OPCML: variants seen among roughly 807,000 people sequenced by gnomAD.
OPCML encodes the protein opioid binding protein/cell adhesion molecule like.
Under a neutral mutation model 37.8 loss-of-function variants are expected in OPCML, and 13 were observed. That is an observed-to-expected ratio of 0.34 (90% CI 0.22 to 0.55). The LOEUF (loss-of-function observed/expected upper bound fraction) is 0.55, where lower values mean the gene tolerates loss of function less well. Ranked by LOEUF, OPCML falls within the 20% of genes least tolerant of loss-of-function variation. The pLI is 0.91. For synonymous variants in OPCML, 176 were observed against 168.8 expected (o/e 1.04, Z -0.33); for missense variants, 341 against 435.6 (o/e 0.78, Z 1.93).
chr11:132,869,228 G>A (rs1942698815), intron 2 of OPCML, among the ~76,000 whole-genome samples: 2 of 152,122 alleles, frequency 1.3e-5, no homozygotes, highest in African/African-American at 4.8e-5. Flanking sequence ...GAACATACCT[G>A]CTCTAGTGTG....
At position 133,025,095 on chromosome 11, in the gene OPCML, AT is replaced by A. The variant is rs377001812; in HGVS notation, c.62-82086del. 679 of 810,968 alleles carry A rather than the reference AT, an allele frequency of 8.4e-4. 3 individuals carry two copies. In the African/African-American group the frequency reaches 0.012, roughly 14 times the overall value. 50.2% of individuals were successfully genotyped at this position (810,968 alleles called of 1,614,324 possible). On this transcript the variant is annotated intron_variant, in intron 1 of 7. Transcript: ENST00000524381. ...ATATGTATAGATAAGCCTAGAGCTA[AT>A]TTTCCTTCATAGGGAGGAAAATGGG...
chr11:133,337,145 A>G (rs1316886932), intron 1 of OPCML, among the ~76,000 whole-genome samples: 1 of 152,216 alleles, frequency 6.6e-6, no homozygotes, highest in Non-Finnish European at 1.5e-5. Flanking sequence ...TGCTATTTAG[A>G]TATGATAAGC....
At chr11:133,347,166 T>C (rs545531681) in intron 1 of OPCML, among the ~76,000 whole-genome samples, 1 of 152,366 alleles carries the variant, frequency 6.6e-6, no homozygotes, top group Admixed American at 6.5e-5. Flanking sequence ...AACTTAGCCA[T>C]AGGCTTGTGC....
At chr11:132,573,808 C>T (rs2096443793) in intron 3 of OPCML, among the ~76,000 whole-genome samples, 1 of 151,768 alleles carries the variant, frequency 6.6e-6, no homozygotes, top group Non-Finnish European at 1.5e-5. Flanking sequence ...AAAGATTGGC[C>T]TTAATTATTT....
chr11:132,472,033 C>T (rs2096139589), intron 4 of OPCML, among the ~76,000 whole-genome samples: 1 of 152,180 alleles, frequency 6.6e-6, no homozygotes, highest in South Asian at 2.1e-4. Context: ...GGAAGGCCCT[C>T]CCTTTTCCTG....
intron 2 of OPCML, among the ~76,000 whole-genome samples, chr11:132,790,898 G>T (rs1040666050): frequency 6.6e-6 from 1 of 152,178 alleles, no homozygotes; most frequent in Non-Finnish European, 1.5e-5. Flanking sequence ...GAAAGATTTC[G>T]ATTTTGGCTC....
intron 1 of OPCML, among the ~76,000 whole-genome samples, chr11:133,404,704 G>C (rs115683731): frequency 2.3e-3 from 348 of 152,316 alleles, no homozygotes; most frequent in Middle Eastern, 0.01. Flanking sequence ...TGCAGCTTTA[G>C]CTAGGGACAT....
chr11:133,278,745 A>G (rs1032120309), intron 1 of OPCML, among the ~76,000 whole-genome samples: 1 of 152,192 alleles, frequency 6.6e-6, no homozygotes, highest in Non-Finnish European at 1.5e-5. Flanking sequence ...TTTGATTAAA[A>G]AAAAAATCTG....
Position 132,628,810 on chromosome 11 carries a change from G to A in OPCML, c.379+28277C>T, listed in dbSNP as rs565359419. Among the ~76,000 whole-genome samples the A allele has an allele frequency of 8.5e-5, 13 of 152,208 alleles. No homozygotes were observed. The East Asian group carries it at 9.7e-4, about 11-fold the overall frequency. ...CTCATGATAGTGAGTGACTTGTCACGAGATCTGCTGGTTTTATAAGCAGCT... is the reference window on the plus strand; with the variant it reads ...CTCATGATAGTGAGTGACTTGTCACAAGATCTGCTGGTTTTATAAGCAGCT... On this transcript the variant is annotated intron_variant, in intron 3 of 7. Coordinates refer to ENST00000524381, the MANE Select transcript of OPCML (RefSeq NM_001012393.5).
At chr11:132,695,410 T>C (rs1943566092) in intron 2 of OPCML, among the ~76,000 whole-genome samples, 1 of 152,138 alleles carries the variant, frequency 6.6e-6, no homozygotes, top group Non-Finnish European at 1.5e-5. Flanking sequence ...GGAGCAGTAT[T>C]ATGGCAATGT....
At chr11:133,272,400 T>C (rs561371454) in intron 1 of OPCML, among the ~76,000 whole-genome samples, 2 of 152,318 alleles carry the variant, frequency 1.3e-5, no homozygotes, top group African/African-American at 4.8e-5. Flanking sequence ...TAAAATGCAC[T>C]GCAATAAGAC....
intron 4 of OPCML, among the ~76,000 whole-genome samples, chr11:132,441,227 GC>G (rs1483660383): frequency 7.5e-6 from 1 of 134,100 alleles, no homozygotes; most frequent in Non-Finnish European, 1.5e-5. Context: ...GAGTGCAGTG[GC>G]GGGATCTCGG....
At position 132,735,205 on chromosome 11, in the gene OPCML, T is replaced by C. The variant is rs191708055; in HGVS notation, c.147-77886A>G. 1.6e-3 allele frequency among the ~76,000 whole-genome samples: 248 copies of C among 152,286 alleles called. 3 individuals carry two copies. Among genetic ancestry groups the C allele is most frequent in the South Asian group, 0.013 (61 of 4,828 alleles). On this transcript the variant is annotated intron_variant, in intron 2 of 7. Coordinates refer to ENST00000524381, the MANE Select transcript of OPCML (RefSeq NM_001012393.5). ...AAAAAATAGCTTCTGGGAAAAAATA[T>C]AGCCTAGGAAACTATCAGGCAAACT...
intron 1 of OPCML, chr11:133,418,518 A>G (rs1416031020): frequency 1.0e-6 from 1 of 960,550 alleles, no homozygotes; most frequent in Non-Finnish European, 1.2e-6. Context: ...TTGCAAAATT[A>G]TGACAGTAGG....
intron 1 of OPCML, among the ~76,000 whole-genome samples, chr11:133,261,784 A>G (rs1246809047): frequency 1.3e-5 from 2 of 152,196 alleles, no homozygotes; most frequent in Non-Finnish European, 2.9e-5. Flanking sequence ...CCTCTACTTC[A>G]ATTGCCTTCT....
chr11:132,675,646 C>T (rs1217510594), intron 2 of OPCML, among the ~76,000 whole-genome samples: 1 of 151,886 alleles, frequency 6.6e-6, no homozygotes, highest in Non-Finnish European at 1.5e-5. Context: ...TATACATTAG[C>T]AATGAAAAAT....
chr11:132,959,349 G>C (rs990880796), intron 1 of OPCML, among the ~76,000 whole-genome samples: 4 of 152,228 alleles, frequency 2.6e-5, no homozygotes, highest in Admixed American at 6.5e-5. Flanking sequence ...GGTTTCTTGA[G>C]ATGGAAACTA....
chr11:132,519,195 A>G (rs770817532), intron 4 of OPCML, among the ~76,000 whole-genome samples: 8 of 152,152 alleles, frequency 5.3e-5, no homozygotes, highest in Non-Finnish European at 8.8e-5. Context: ...TTCACCTGGG[A>G]CTTTAGAAAG....
chr11:133,053,710 A>G (rs1200992460), intron 1 of OPCML, among the ~76,000 whole-genome samples: 1 of 152,156 alleles, frequency 6.6e-6, no homozygotes, highest in African/African-American at 2.4e-5. Flanking sequence ...CGTCTGTCTC[A>G]GTCTTGGCTG....
Sources: allele counts gnomAD v4.1 joint callset (sites outside exome capture counted in the v4.1 genomes callset), GRCh38; gene constraint gnomAD v4.1.1; transcripts MANE v1.5; gene names NCBI Gene and HGNC (gene_info 2026-07-23, HGNC 2026-07-21).